The following TIAM1 variants were observed in gnomAD, a reference collection of about 807,000 sequenced individuals.
The protein encoded by TIAM1 is rho guanine nucleotide exchange factor TIAM1.
Under a neutral mutation model 163.5 loss-of-function variants are expected in TIAM1, and 65 were observed. The observed-to-expected ratio is 0.40, with a 90% CI of 0.33 to 0.49. The LOEUF is 0.49. Among genes scored for constraint, TIAM1 ranks in the 20% least tolerant of loss-of-function variants. The probability of loss-of-function intolerance (pLI) is 0.77; values close to 1 mark genes in which losing one functional copy is unlikely to be tolerated. For missense variants in TIAM1, 1,789 were observed against 2,044.7 expected (o/e 0.87, Z 2.41); for synonymous variants, 833 against 810.1 (o/e 1.03, Z -0.48).
chr21:31,343,604 A>G (rs1474804928), intron 1 of TIAM1, among the ~76,000 whole-genome samples: 3 of 152,174 alleles, frequency 2.0e-5, no homozygotes, highest in Non-Finnish European at 2.9e-5. Flanking sequence ...GTCCCACTCC[A>G]GAACTCCCAT....
At chr21:31,285,469 CT>C (rs1429207679) in intron 2 of TIAM1, among the ~76,000 whole-genome samples, 1 of 152,128 alleles carries the variant, frequency 6.6e-6, no homozygotes, top group Non-Finnish European at 1.5e-5. Context: ...AAAAGAATCA[CT>C]CCCCCCATGG....
Position 31,223,395 on chromosome 21 carries a change from C to T in TIAM1, c.1995+11G>A. On this transcript the variant is annotated intron_variant, in intron 8 of 27. Coordinates refer to ENST00000541036, the MANE Select transcript of TIAM1 (RefSeq NM_001353694.2). ...TTAATGTTTTTCAAAAATTCATTAG[C>T]TTCTACTCACCAGGGCATGAAACGA... The T allele has an allele frequency of 1.3e-6, 2 of 1,598,380 alleles. No individual in the cohort carries two copies. The highest frequency in any genetic ancestry group is 1.7e-6 in the Non-Finnish European group (2 of 1,171,362).
chr21:31,409,354 C>T (rs898698179), intron 2 of TIAM1, among the ~76,000 whole-genome samples: 2 of 152,076 alleles, frequency 1.3e-5, no homozygotes, highest in Non-Finnish European at 2.9e-5. Flanking sequence ...GTGATCCACC[C>T]GCCTCGGCCT....
chr21:31,558,569 G>A (rs2048976301), intron 1 of TIAM1, among the ~76,000 whole-genome samples: 1 of 152,112 alleles, frequency 6.6e-6, no homozygotes, highest in Non-Finnish European at 1.5e-5. Flanking sequence ...TGCCGCGGCC[G>A]CCGCAGGTCA....
intron 4 of TIAM1, among the ~76,000 whole-genome samples, chr21:31,265,742 A>G (rs2072721538): frequency 6.6e-6 from 1 of 152,184 alleles, no homozygotes; most frequent in South Asian, 2.1e-4. Context: ...CAGTTTCCCA[A>G]TATGAACTTA....
intron 2 of TIAM1, among the ~76,000 whole-genome samples, chr21:31,278,405 G>C (rs924256398): frequency 1.3e-5 from 2 of 152,214 alleles, no homozygotes; most frequent in East Asian, 1.9e-4. Flanking sequence ...TGCTGGTAGA[G>C]GTGAAATTAC....
At chr21:31,541,880 C>T (rs1449832088) in intron 1 of TIAM1, among the ~76,000 whole-genome samples, 1 of 152,172 alleles carries the variant, frequency 6.6e-6, no homozygotes, top group Non-Finnish European at 1.5e-5. Flanking sequence ...CCATGTGCAG[C>T]ACAAAATCCC....
chr21:31,210,075 A>C lies in TIAM1; in HGVS notation c.2358T>G (p.Thr786=). Reference sequence around the variant, plus strand: ...AAATCAGCTCCAGGGTGTCCCGTGCAGTGTCGCCTGGCCGGACGACCGTCA... The same window carrying C: ...AAATCAGCTCCAGGGTGTCCCGTGCCGTGTCGCCTGGCCGGACGACCGTCA... ...PALTVVRPGD[T]ARDTLELICK... is the part of the protein sequence containing the mutation. Residue 786 remains threonine (T), a synonymous_variant, in exon 11 of 28, where the codon ACT becomes ACG. Transcript: ENST00000541036. 4 of 1,614,122 alleles carry C rather than the reference A, an allele frequency of 2.5e-6. No individual in the cohort carries two copies. The highest frequency in any genetic ancestry group is 3.4e-6 in the Non-Finnish European group (4 of 1,180,014).
At chr21:31,301,471 C>A (rs542694454) in intron 2 of TIAM1, among the ~76,000 whole-genome samples, 1 of 152,128 alleles carries the variant, frequency 6.6e-6, no homozygotes, top group South Asian at 2.1e-4. Flanking sequence ...TTAATCAAAA[C>A]ATAGAATAAA....
intron 2 of TIAM1, among the ~76,000 whole-genome samples, chr21:31,362,849 G>A (rs2076430811): frequency 6.6e-6 from 1 of 152,086 alleles, no homozygotes; most frequent in African/African-American, 2.4e-5. Context: ...CACTGTAAGG[G>A]GGTTTATCAT....
intron 1 of TIAM1, among the ~76,000 whole-genome samples, chr21:31,513,601 A>G (rs1310417361): frequency 1.3e-5 from 2 of 152,226 alleles, no homozygotes; most frequent in African/African-American, 4.8e-5. Flanking sequence ...AGAAACCAGA[A>G]TATACCTATA....
intron 2 of TIAM1, among the ~76,000 whole-genome samples, chr21:31,304,307 G>A (rs1479367164): frequency 6.6e-6 from 1 of 152,170 alleles, no homozygotes; most frequent in Non-Finnish European, 1.5e-5. Context: ...GAAGGAAAAC[G>A]AAGAGAAGGA....
intron 15 of TIAM1, among the ~76,000 whole-genome samples, chr21:31,179,457 A>G (rs1215658192): frequency 6.6e-6 from 1 of 152,098 alleles, no homozygotes; most frequent in East Asian, 1.9e-4. Flanking sequence ...ACAAAATTTG[A>G]GTCATAGTTA....
At chr21:31,292,181 G>A (rs2074047677) in intron 2 of TIAM1, among the ~76,000 whole-genome samples, 1 of 152,136 alleles carries the variant, frequency 6.6e-6, no homozygotes, top group Non-Finnish European at 1.5e-5. Flanking sequence ...TGGGAATTAA[G>A]TGAGGCAATG....
intron 6 of TIAM1, 22 bp from the exon 7 acceptor site, chr21:31,225,972 G>A: frequency 6.2e-7 from 1 of 1,601,324 alleles, no homozygotes; most frequent in Non-Finnish European, 8.5e-7. Context: ...AGAAGGGGCA[G>A]GAAGAAAAAG....
chr21:31,325,286 CAA>C (rs5843509), intron 2 of TIAM1, among the ~76,000 whole-genome samples: 27,012 of 134,986 alleles, frequency 0.2, 2,378 homozygotes, highest in Middle Eastern at 0.23. Context: ...GGCCCTGTCT[CAA>C]AAAAAAAAAA....
chr21:31,281,039 C>T, intron 2 of TIAM1, among the ~76,000 whole-genome samples: 1 of 131,064 alleles, frequency 7.6e-6, no homozygotes, highest in South Asian at 2.5e-4. Flanking sequence ...CCCTTGAGCC[C>T]AGGAGTTTGA....
At chr21:31,469,814 A>G (rs1332995515) in intron 1 of TIAM1, among the ~76,000 whole-genome samples, 1 of 148,876 alleles carries the variant, frequency 6.7e-6, no homozygotes, top group African/African-American at 2.5e-5. Context: ...CCTGGGTGAC[A>G]GAGCGAGACT....
intron 19 of TIAM1, 83 bp from the exon 20 acceptor site, chr21:31,147,086 C>T: frequency 8.9e-7 from 1 of 1,129,066 alleles, no homozygotes; most frequent in Non-Finnish European, 1.3e-6. Flanking sequence ...GAGCTCACAT[C>T]TGCCTGGCCC....
Sources: allele counts gnomAD v4.1 joint callset (sites outside exome capture counted in the v4.1 genomes callset), GRCh38; gene constraint gnomAD v4.1.1; transcripts MANE v1.5; gene names NCBI Gene and HGNC (gene_info 2026-07-23, HGNC 2026-07-21).